Variants in ENAH observed in about 807,000 individuals in gnomAD.
ENAH encodes ENAH actin regulator.
Under a neutral mutation model 78.7 loss-of-function variants are expected in ENAH, and 23 were observed. The observed-to-expected ratio is 0.29, with a 90% CI of 0.21 to 0.41. The LOEUF (loss-of-function observed/expected upper bound fraction) is 0.41. Ranked by LOEUF, ENAH falls within the 10% of genes least tolerant of loss-of-function variation. The pLI, the probability that ENAH is intolerant of heterozygous loss-of-function variation, is 1.00. For synonymous variants in ENAH, 226 were observed against 241.0 expected (o/e 0.94, Z 0.58); for missense variants, 544 against 691.0 (o/e 0.79, Z 2.39).
intron 1 of ENAH, among the ~76,000 whole-genome samples, chr1:225,616,059 T>C (rs948465286): frequency 6.6e-6 from 1 of 152,218 alleles, no homozygotes; most frequent in Non-Finnish European, 1.5e-5. Flanking sequence ...AAACATGTGC[T>C]GTGTCCACTC....
intron 1 of ENAH, among the ~76,000 whole-genome samples, chr1:225,602,844 C>T (rs1436330275): frequency 6.6e-6 from 1 of 152,036 alleles, no homozygotes; most frequent in Non-Finnish European, 1.5e-5. Flanking sequence ...AATAGAATAA[C>T]ATTTCTCCAC....
intron 3 of ENAH, chr1:225,531,121 A>G (rs1320511626): frequency 5.0e-6 from 2 of 398,246 alleles, no homozygotes; most frequent in Non-Finnish European, 8.9e-6. Context: ...CCAGTATGCT[A>G]AAGCATTTAT....
At chr1:225,578,462 G>A (rs893445158) in intron 1 of ENAH, among the ~76,000 whole-genome samples, 7 of 152,136 alleles carry the variant, frequency 4.6e-5, no homozygotes, top group African/African-American at 1.2e-4. Flanking sequence ...GCGACAGAGC[G>A]AGACACTCTC....
chr1:225,623,531 C>A (rs1356977396), intron 1 of ENAH, among the ~76,000 whole-genome samples: 2 of 151,136 alleles, frequency 1.3e-5, no homozygotes, highest in African/African-American at 4.9e-5. Flanking sequence ...GAGGTTTGGG[C>A]TTCCTGCCCC....
chr1:225,591,488 C>T (rs1316040921), intron 1 of ENAH, among the ~76,000 whole-genome samples: 1 of 142,140 alleles, frequency 7.0e-6, no homozygotes, highest in Non-Finnish European at 1.5e-5. Context: ...AAAAAACAGT[C>T]GGGTGTGGTG....
intron 1 of ENAH, among the ~76,000 whole-genome samples, chr1:225,626,640 T>A (rs1358431594): frequency 6.6e-6 from 1 of 152,192 alleles, no homozygotes; most frequent in Non-Finnish European, 1.5e-5. Context: ...TAAATTTGTG[T>A]TTATAAATTA....
At chr1:225,653,851 TC>T (rs368716134), upstream of ENAH, among the ~76,000 whole-genome samples, 444 of 152,346 alleles carry the variant, frequency 2.9e-3, no homozygotes, top group African/African-American at 9.5e-3. The surrounding 1 kb of genome is among the most constrained non-coding windows in gnomAD (Gnocchi z 4.3). Flanking sequence ...TCATCATTGT[TC>T]CCTTCGCTCC....
intron 1 of ENAH, among the ~76,000 whole-genome samples, chr1:225,575,110 AC>A (rs1396761150): frequency 1.3e-5 from 2 of 151,948 alleles, no homozygotes; most frequent in African/African-American, 4.8e-5. Flanking sequence ...TGTAGGGTTC[AC>A]TCCAGAATCC....
chr1:225,526,660 G>A (rs1189684467), intron 4 of ENAH, among the ~76,000 whole-genome samples: 1 of 152,052 alleles, frequency 6.6e-6, no homozygotes. Flanking sequence ...GAAAAAAACA[G>A]TGAGGTGGTT....
chr1:225,576,275 CAAA>C (rs35531080), intron 1 of ENAH, among the ~76,000 whole-genome samples: 4 of 82,494 alleles, frequency 4.8e-5, no homozygotes, highest in Non-Finnish European at 7.6e-5. Flanking sequence ...GACTCTGTCT[CAAA>C]AAAAAAAAAA....
chr1:225,636,879 G>A (rs751326642), intron 1 of ENAH, among the ~76,000 whole-genome samples: 1 of 151,806 alleles, frequency 6.6e-6, no homozygotes, highest in Non-Finnish European at 1.5e-5. Context: ...AGAGCTAGTC[G>A]ACAAAAACTA....
At chr1:225,504,375 C>T (rs1236199693) in intron 11 of ENAH, among the ~76,000 whole-genome samples, 1 of 152,082 alleles carries the variant, frequency 6.6e-6, no homozygotes, top group African/African-American at 2.4e-5. Context: ...GACTGTACTA[C>T]TATATTTAAG....
chr1:225,598,296 C>T (rs1362865167), intron 1 of ENAH, among the ~76,000 whole-genome samples: 1 of 149,532 alleles, frequency 6.7e-6, no homozygotes, highest in East Asian at 1.9e-4. Flanking sequence ...GATAATCTAC[C>T]CAAGAGTGAA....
Position 225,497,659 on chromosome 1 carries a change from T to C in ENAH, c.*116A>G. On this transcript the variant is annotated 3_prime_UTR_variant, in exon 14 of 14. Transcript: ENST00000366843. Reference sequence around the variant, plus strand: ...AGGTTGGTTTTTCCCTCCTTCTGTTTGTCTCCATTTTCTTCTTACAGCTCA... The same window carrying C: ...AGGTTGGTTTTTCCCTCCTTCTGTTCGTCTCCATTTTCTTCTTACAGCTCA... The C allele has an allele frequency of 9.8e-7, 1 of 1,021,216 alleles. No individual in the cohort carries two copies. Among genetic ancestry groups the C allele is most frequent in the South Asian group, 1.7e-5 (1 of 58,688 alleles). The allele number at this position is 1,021,216 out of a possible 1,614,324, so 63.3% of individuals were successfully genotyped here. A position where few individuals can be genotyped will look rare whatever the true frequency, so the allele number is the denominator to read the frequency against.
chr1:225,652,730 C>A lies in ENAH; in HGVS notation c.-40G>T. On this transcript the variant is annotated 5_prime_UTR_variant, in exon 1 of 14. Coordinates refer to ENST00000366843, the MANE Select transcript of ENAH (RefSeq NM_018212.6). ...AGAGGCTTCCCCACCAGCCGGGAGA[C>A]GCAGAAGGCGCCGAGCCGAGGGGGG... is the stretch of plus-strand genomic sequence containing the variant. 7.6e-7 allele frequency: 1 copy of A among 1,313,472 alleles called. No individual in the cohort carries two copies. Among genetic ancestry groups the A allele is most frequent in the Middle Eastern group, 2.3e-4 (1 of 4,286 alleles). 81.4% of individuals were successfully genotyped at this position (1,313,472 alleles called of 1,614,324 possible). A position where few individuals can be genotyped will look rare whatever the true frequency, so the allele number is the denominator to read the frequency against.
intron 5 of ENAH, chr1:225,518,035 G>A (rs1277554219): frequency 6.7e-6 from 10 of 1,486,614 alleles, no homozygotes; most frequent in Admixed American, 6.6e-5. Flanking sequence ...GGATAAAAAA[G>A]GAGAGAGAAA....
At chr1:225,551,113 T>C (rs907761668) in intron 3 of ENAH, among the ~76,000 whole-genome samples, 1 of 152,090 alleles carries the variant, frequency 6.6e-6, no homozygotes, top group Non-Finnish European at 1.5e-5. Flanking sequence ...TCCATTTCCA[T>C]GGAGAAAGGA....
intron 1 of ENAH, among the ~76,000 whole-genome samples, chr1:225,600,791 A>G (rs1042554486): frequency 2.0e-5 from 3 of 152,182 alleles, no homozygotes; most frequent in Admixed American, 2.0e-4. Flanking sequence ...TCAAAACTGC[A>G]GTAAGCTGTG....
intron 9 of ENAH, 25 bp downstream of exon 9, chr1:225,512,632 T>C (rs200132606): frequency 2.5e-6 from 4 of 1,603,632 alleles, no homozygotes; most frequent in Non-Finnish European, 3.4e-6. Flanking sequence ...TTTTAAGGTA[T>C]GGTAGACTAT....
Sources: gnomAD v4.1 joint callset for allele counts (sites outside exome capture counted in the v4.1 genomes callset) on GRCh38, gnomAD v4.1.1 for gene constraint, Gnocchi (gnomAD v3.1) non-coding constraint, MANE v1.5 for transcripts, NCBI Gene and HGNC (gene_info 2026-07-23, HGNC 2026-07-21) for gene names.